The following PSPC1 variants were observed in gnomAD, a reference collection of about 807,000 sequenced individuals.
PSPC1 encodes the protein paraspeckle protein 1.
In PSPC1, 14 loss-of-function variants were observed where a neutral mutation model predicts 51.6. The observed-to-expected ratio is 0.27, with a 90% CI of 0.18 to 0.42. The LOEUF is 0.42. Among genes scored for constraint, PSPC1 ranks in the 10% least tolerant of loss-of-function variants. The pLI, the probability that PSPC1 is intolerant of heterozygous loss-of-function variation, is 1.00. For synonymous variants in PSPC1, 193 were observed against 231.9 expected, an observed-to-expected ratio of 0.83 and a Z score of 1.53; for missense variants, 406 against 701.1, an observed-to-expected ratio of 0.58 and a Z score of 4.75.
chr13:19,671,998 C>T (rs1876157478), downstream of PSPC1: 1 of 984,494 alleles, frequency 1.0e-6, no homozygotes, highest in South Asian at 1.4e-5. Flanking sequence ...TGCAGTTAAG[C>T]CTGTTGTCTG....
intron 2 of PSPC1, among the ~76,000 whole-genome samples, chr13:19,760,848 CGTG>C (rs1234249380): frequency 1.3e-5 from 2 of 151,850 alleles, no homozygotes; most frequent in Non-Finnish European, 2.9e-5. Flanking sequence ...ATTAGCCGGG[CGTG>C]GTGGTGCACG....
At chr13:19,718,800 T>A (rs1436598949) in intron 6 of PSPC1, among the ~76,000 whole-genome samples, 1 of 152,138 alleles carries the variant, frequency 6.6e-6, no homozygotes. Flanking sequence ...TAAAAAGAAA[T>A]GAGCTATCAA....
chr13:19,728,372 T>C (rs756541751), intron 6 of PSPC1, among the ~76,000 whole-genome samples: 4 of 151,794 alleles, frequency 2.6e-5, no homozygotes, highest in African/African-American at 4.9e-5. Flanking sequence ...TACCATTTGA[T>C]TCCTCCCTTT....
intron 3 of PSPC1, among the ~76,000 whole-genome samples, chr13:19,756,159 A>C (rs1031407527): frequency 6.6e-6 from 1 of 151,902 alleles, no homozygotes; most frequent in South Asian, 2.1e-4. Flanking sequence ...AATCACTTGA[A>C]CTCGGGAGGT....
At chr13:19,725,671 G>A (rs1375673981) in intron 6 of PSPC1, among the ~76,000 whole-genome samples, 1 of 152,118 alleles carries the variant, frequency 6.6e-6, no homozygotes, top group Non-Finnish European at 1.5e-5. Flanking sequence ...AACTGAGCCT[G>A]GTCTGTTCTA....
downstream of PSPC1, among the ~76,000 whole-genome samples, chr13:19,671,662 C>T (rs1241727749): frequency 1.3e-5 from 2 of 152,140 alleles, no homozygotes; most frequent in African/African-American, 4.8e-5. Flanking sequence ...ATTATAAGCA[C>T]TTGGAATTAT....
chr13:19,687,949 T>C (rs1282885317), intron 6 of PSPC1, among the ~76,000 whole-genome samples: 1 of 152,044 alleles, frequency 6.6e-6, no homozygotes, highest in Non-Finnish European at 1.5e-5. Context: ...ACCAGCTTTC[T>C]ACACAGTATC....
intron 2 of PSPC1, among the ~76,000 whole-genome samples, chr13:19,764,955 C>A (rs1280990262): frequency 6.6e-6 from 1 of 151,964 alleles, no homozygotes; most frequent in Admixed American, 6.6e-5. Flanking sequence ...CCAAGCTACA[C>A]ATAATTTTTA....
At chr13:19,741,015 C>G (rs1304991118) in intron 5 of PSPC1, among the ~76,000 whole-genome samples, 1 of 152,032 alleles carries the variant, frequency 6.6e-6, no homozygotes, top group East Asian at 1.9e-4. Context: ...GCTGGGATTA[C>G]AGGCGCGTGC....
intron 6 of PSPC1, among the ~76,000 whole-genome samples, chr13:19,688,245 G>T (rs572049236): frequency 6.6e-6 from 1 of 152,124 alleles, no homozygotes; most frequent in East Asian, 1.9e-4. Flanking sequence ...GGTTTCATGT[G>T]TAATCCGTCA....
At chr13:19,671,824 C>T (rs1176855353), downstream of PSPC1, 2 of 1,613,972 alleles carry the variant, frequency 1.2e-6, no homozygotes, top group East Asian at 4.5e-5. Context: ...GCGTTCTTTT[C>T]TTTCAACAGG....
chr13:19,730,978 A>AAAAAC (rs1884036663), intron 5 of PSPC1, among the ~76,000 whole-genome samples: 1 of 142,238 alleles, frequency 7.0e-6, no homozygotes, highest in Non-Finnish European at 1.6e-5. Flanking sequence ...AAAAAAAAAA[A>AAAAAC]ACAGAAAAAG....
chr13:19,779,658 C>G lies in PSPC1; in HGVS notation c.372+2728G>C, dbSNP rs752408540. ...GAAGTGAGGAGCCCCTCTGCCCGGCCAGCCGCCCCGTCCGGGAGGGAGGTG... is the reference window on the plus strand; with the variant it reads ...GAAGTGAGGAGCCCCTCTGCCCGGCGAGCCGCCCCGTCCGGGAGGGAGGTG... On this transcript the variant is annotated intron_variant, in intron 1 of 8. Coordinates refer to ENST00000338910, the MANE Select transcript of PSPC1 (RefSeq NM_001354909.2). Among the ~76,000 whole-genome samples the G allele has an allele frequency of 4.2e-3, 283 of 67,170 alleles. 1 individual carries two copies. Among genetic ancestry groups the G allele is most frequent in the Admixed American group, 6.5e-3 (52 of 8,030 alleles). 44.1% of individuals were successfully genotyped at this position (67,170 alleles called of 152,430 possible).
rs533984280 is a variant in PSPC1, at chr13:19,782,105, G to C, written c.372+281C>G. ...GACAGGGTGCACCATGCCCGATCCA[G>C]CGCAGGGCAGCAGGCCTGCAGCCAC... On this transcript the variant is annotated intron_variant, in intron 1 of 8. Transcript: ENST00000338910. This position sits in a 1 kb window ranked among gnomAD's most constrained non-coding sequence, Gnocchi z 4.5. Among the ~76,000 whole-genome samples, 1 of 152,352 alleles carries C rather than the reference G, an allele frequency of 6.6e-6. No individual in the cohort carries two copies. The highest frequency in any genetic ancestry group is 2.1e-4 in the South Asian group (1 of 4,830).
intron 6 of PSPC1, among the ~76,000 whole-genome samples, chr13:19,715,183 GCA>G (rs1881949305): frequency 6.6e-6 from 1 of 152,054 alleles, no homozygotes; most frequent in Non-Finnish European, 1.5e-5. Context: ...CAGGACTTTG[GCA>G]CCCTCAATAA....
At chr13:19,686,060 T>TGTTAG (rs1877839435) in intron 6 of PSPC1, among the ~76,000 whole-genome samples, 1 of 152,230 alleles carries the variant, frequency 6.6e-6, no homozygotes, top group Non-Finnish European at 1.5e-5. Flanking sequence ...CTCTCCTGAC[T>TGTTAG]GATCTAAGTG....
intron 6 of PSPC1, among the ~76,000 whole-genome samples, chr13:19,690,967 TA>T (rs771381620): frequency 1.3e-5 from 2 of 152,222 alleles, no homozygotes; most frequent in Non-Finnish European, 2.9e-5. Flanking sequence ...TTTTGCCACT[TA>T]CTAGACTTCA....
At chr13:19,685,891 T>C (rs181628345) in intron 6 of PSPC1, among the ~76,000 whole-genome samples, 81 of 152,352 alleles carry the variant, frequency 5.3e-4, no homozygotes, top group Non-Finnish European at 3.2e-4. Flanking sequence ...TCCCTTTACA[T>C]GTCTTCAGAG....
intron 7 of PSPC1, among the ~76,000 whole-genome samples, chr13:19,707,221 G>A (rs180877650): frequency 2.0e-5 from 3 of 151,984 alleles, no homozygotes; most frequent in African/African-American, 7.2e-5. Flanking sequence ...ACAATGGTGG[G>A]TTCAGAATAT....
Sources: gnomAD v4.1 joint callset for allele counts (sites outside exome capture counted in the v4.1 genomes callset) on GRCh38, gnomAD v4.1.1 for gene constraint, Gnocchi (gnomAD v3.1) non-coding constraint, MANE v1.5 for transcripts, NCBI Gene and HGNC (gene_info 2026-07-23, HGNC 2026-07-21) for gene names.